The following FOXN3 variants were observed in gnomAD, a reference collection of about 807,000 sequenced individuals.
FOXN3 encodes the protein forkhead box N3.
A neutral mutation model predicts 38.4 loss-of-function variants in FOXN3; 7 were observed. That is an observed-to-expected ratio of 0.18 (90% confidence interval 0.10 to 0.34). The LOEUF is 0.34. Among genes scored for constraint, FOXN3 ranks in the 10% least tolerant of loss-of-function variants. FOXN3 has a pLI of 1.00. For missense variants in FOXN3, 456 were observed against 613.4 expected, an observed-to-expected ratio of 0.74 and a Z score of 2.71; for synonymous variants, 230 against 242.2, an observed-to-expected ratio of 0.95 and a Z score of 0.47.
chr14:89,191,523 G>A (rs17125470), intron 4 of FOXN3, among the ~76,000 whole-genome samples: 12,187 of 152,216 alleles, frequency 0.08, 643 homozygotes, highest in East Asian at 0.26. Context: ...GCTCGCACTT[G>A]TCAGTTTTTG....
At chr14:89,536,819 T>C (rs1350419864) in intron 1 of FOXN3, among the ~76,000 whole-genome samples, 2 of 151,966 alleles carry the variant, frequency 1.3e-5, no homozygotes, top group African/African-American at 2.4e-5. Flanking sequence ...TAAAAAAAGA[T>C]TAAATAAGGT....
chr14:89,280,993 C>A lies in FOXN3; in HGVS notation c.702G>T (p.Trp234Cys), dbSNP rs1378594954. 6.2e-7 allele frequency: 1 copy of A among 1,613,750 alleles called. No individual in the cohort carries two copies. The highest frequency in any genetic ancestry group is 1.7e-5 in the Admixed American group (1 of 59,964). The change falls in exon 4 of 6, where the codon TGG (tryptophan) becomes TGT (cysteine). Residue 234 changes from tryptophan (W) to cysteine (C), a missense_variant. Trp to Cys is a radical substitution (Grantham distance 215). Transcript: ENST00000557258. ...AYQSTSGPPI[W>C]PGSTFFKRNG... ...TTCTCTTGAAGAAGGTACTGCCCGGCCAGATGGGTGGACCTGATGTGCTGA... is the reference window on the plus strand; with the variant it reads ...TTCTCTTGAAGAAGGTACTGCCCGGACAGATGGGTGGACCTGATGTGCTGA...
intron 4 of FOXN3, among the ~76,000 whole-genome samples, chr14:89,198,865 T>C (rs975894391): frequency 2.6e-5 from 4 of 152,230 alleles, no homozygotes; most frequent in Non-Finnish European, 2.9e-5. Flanking sequence ...CTATCTCCAA[T>C]AGAACACATC....
At chr14:89,546,297 T>C (rs955988439) in intron 1 of FOXN3, among the ~76,000 whole-genome samples, 1 of 151,272 alleles carries the variant, frequency 6.6e-6, no homozygotes, top group African/African-American at 2.4e-5. Context: ...AAATGATTTT[T>C]TCCCAATAGC....
At chr14:89,550,646 G>C (rs929453529) in intron 1 of FOXN3, among the ~76,000 whole-genome samples, 2 of 152,148 alleles carry the variant, frequency 1.3e-5, no homozygotes, top group Non-Finnish European at 2.9e-5. Flanking sequence ...ATCAGAGATG[G>C]GGAGAAAGCA....
chr14:89,511,122 G>GTCTC (rs1555358035), intron 1 of FOXN3, among the ~76,000 whole-genome samples: 3 of 37,780 alleles, frequency 7.9e-5, no homozygotes, highest in Non-Finnish European at 1.2e-4. Context: ...CCTGCTTGGT[G>GTCTC]TCTTTCTTTC....
intron 3 of FOXN3, among the ~76,000 whole-genome samples, chr14:89,327,248 G>A (rs1049289678): frequency 3.9e-5 from 6 of 152,166 alleles, no homozygotes; most frequent in Non-Finnish European, 8.8e-5. Flanking sequence ...ACTAAGGAGA[G>A]AAGAATGCTC....
intron 4 of FOXN3, among the ~76,000 whole-genome samples, chr14:89,201,495 C>G (rs1391304505): frequency 6.6e-6 from 1 of 152,170 alleles, no homozygotes; most frequent in Non-Finnish European, 1.5e-5. Flanking sequence ...AGGGCAGGAA[C>G]AGGAATGGAG....
intron 1 of FOXN3, among the ~76,000 whole-genome samples, chr14:89,463,320 A>C (rs1009233565): frequency 8.6e-5 from 13 of 151,562 alleles, no homozygotes; most frequent in African/African-American, 2.9e-4. Flanking sequence ...ACATTGACCC[A>C]TTAATGCATT....
intron 4 of FOXN3, among the ~76,000 whole-genome samples, chr14:89,214,589 C>T (rs539074581): frequency 4.2e-4 from 64 of 152,344 alleles, no homozygotes; most frequent in Middle Eastern, 3.4e-3. Context: ...CACTCAATTA[C>T]GGCCGTGAAA....
chr14:89,581,525 G>A lies in FOXN3; in HGVS notation c.-15+37503C>T, dbSNP rs558059603. ...GAAAGATAGAATAGGAAAAAAGCAC[G>A]TGGTTTAAAGTTCCCTGGGTCACTT... is the stretch of plus-strand genomic sequence containing the variant. On this transcript the variant is annotated intron_variant, in intron 1 of 6. Coordinates refer to the FOXN3 transcript ENST00000345097. Among the ~76,000 whole-genome samples the A allele has an allele frequency of 7.9e-5, 12 of 151,916 alleles. No individual in the cohort carries two copies. In the East Asian group the frequency reaches 9.7e-4, roughly 12 times the overall value.
intron 3 of FOXN3, among the ~76,000 whole-genome samples, chr14:89,305,157 G>A (rs1023702029): frequency 1.3e-5 from 2 of 152,304 alleles, no homozygotes; most frequent in East Asian, 1.9e-4. Context: ...CACAGGCCGG[G>A]TGCTGGTGTC....
chr14:89,606,198 T>A (rs1896272159), intron 1 of FOXN3, among the ~76,000 whole-genome samples: 1 of 152,096 alleles, frequency 6.6e-6, no homozygotes, highest in African/African-American at 2.4e-5. Flanking sequence ...TAAAATGGAT[T>A]CACAAAGCAA....
chr14:89,461,391 T>C (rs748220137), intron 1 of FOXN3, among the ~76,000 whole-genome samples: 17 of 151,508 alleles, frequency 1.1e-4, no homozygotes, highest in Non-Finnish European at 2.1e-4. Flanking sequence ...CCTACCAGAA[T>C]GTATGCACCA....
rs1374347734 is a variant in FOXN3, at chr14:89,363,978, A to AT, written c.544-13171dup. On this transcript the variant is annotated intron_variant, in intron 2 of 5. Coordinates refer to ENST00000557258, the MANE Select transcript of FOXN3 (RefSeq NM_005197.4). The stretch of plus-strand genomic sequence containing the variant: ...TATATATATATATATATATATATAT[A>AT]TATATATATAATATATATATATATT... Among the ~76,000 whole-genome samples the AT allele has an allele frequency of 9.2e-5, 8 of 86,990 alleles. 1 individual carries two copies. Among genetic ancestry groups the AT allele is most frequent in the African/African-American group, 3.6e-4 (7 of 19,260 alleles). 57.1% of individuals were successfully genotyped at this position (86,990 alleles called of 152,430 possible).
chr14:89,360,786 T>A (rs747381911), intron 2 of FOXN3, among the ~76,000 whole-genome samples: 261 of 14,576 alleles, frequency 0.018, 4 homozygotes, highest in Middle Eastern at 0.083. Context: ...CACCACCACC[T>A]CCACCACCAC....
chr14:89,502,174 TA>T (rs966765214), intron 1 of FOXN3, among the ~76,000 whole-genome samples: 4 of 151,774 alleles, frequency 2.6e-5, no homozygotes, highest in Admixed American at 6.6e-5. Context: ...AAAATAAAAA[TA>T]AAAAATAAAA....
chr14:89,487,947 G>A (rs1190777543), intron 1 of FOXN3, among the ~76,000 whole-genome samples: 7 of 152,108 alleles, frequency 4.6e-5, no homozygotes, highest in African/African-American at 1.7e-4. Context: ...CAACCAAAGC[G>A]AAGGCCCGGA....
chr14:89,174,590 C>T (rs757732155), intron 5 of FOXN3, among the ~76,000 whole-genome samples: 2 of 152,098 alleles, frequency 1.3e-5, no homozygotes, highest in Non-Finnish European at 2.9e-5. Flanking sequence ...TGAAAAGGAG[C>T]CACCAGGACT....
Sources: allele counts gnomAD v4.1 joint callset (sites outside exome capture counted in the v4.1 genomes callset), GRCh38; gene constraint gnomAD v4.1.1; transcripts MANE v1.5; gene names NCBI Gene and HGNC (gene_info 2026-07-23, HGNC 2026-07-21).